ATP13A3: variants seen among roughly 807,000 people sequenced by gnomAD.
ATP13A3 encodes ATPase 13A3, also known as polyamine-transporting ATPase 13A3.
A neutral mutation model predicts 158.1 loss-of-function variants in ATP13A3; 59 were observed. The ratio of observed to expected loss-of-function variants is 0.37; its 90% CI spans 0.30 to 0.46. The LOEUF (loss-of-function observed/expected upper bound fraction) is 0.46. ATP13A3 is among the 20% of genes least tolerant of loss of function. ATP13A3 has a pLI of 1.00. For missense variants in ATP13A3, 1,166 were observed against 1,525.2 expected, an observed-to-expected ratio of 0.76 and a Z score of 3.92; for synonymous variants, 491 against 504.3, an observed-to-expected ratio of 0.97 and a Z score of 0.35.
At position 194,448,918 on chromosome 3, in the gene ATP13A3, T is replaced by C. The variant is rs1402503223; in HGVS notation, c.971-282A>G. Among the ~76,000 whole-genome samples the C allele has an allele frequency of 6.6e-6, 1 of 152,112 alleles. No individual in the cohort carries two copies. Among genetic ancestry groups the C allele is most frequent in the Admixed American group, 6.6e-5 (1 of 15,262 alleles). On this transcript the variant is annotated intron_variant, in intron 11 of 33. Transcript: ENST00000645319. This position sits in a 1 kb window ranked among gnomAD's most constrained non-coding sequence, Gnocchi z 4.0. ...TGTTTATATTTAGAAACAGTTGCAT[T>C]GTTCAGTTTCAAATAATTTCAAAAA...
intron 2 of ATP13A3, among the ~76,000 whole-genome samples, chr3:194,473,524 T>C (rs1347405883): frequency 2.0e-5 from 3 of 151,782 alleles, no homozygotes; most frequent in Non-Finnish European, 4.4e-5. Flanking sequence ...CCTTATATAT[T>C]GGTCTTAGGA....
intron 2 of ATP13A3, among the ~76,000 whole-genome samples, chr3:194,464,258 T>A (rs143190196): frequency 2.0e-5 from 3 of 152,188 alleles, no homozygotes; most frequent in African/African-American, 7.2e-5. Flanking sequence ...TACATAAACA[T>A]TGGTGCAAAA....
chr3:194,489,442 T>TAA (rs5855585), upstream of ATP13A3, among the ~76,000 whole-genome samples: 3 of 148,102 alleles, frequency 2.0e-5, no homozygotes, highest in African/African-American at 7.4e-5. The surrounding 1 kb of genome is among the most constrained non-coding windows in gnomAD (Gnocchi z 4.1). Context: ...AAACTCCATC[T>TAA]AAAAAAAAAA....
chr3:194,423,872 C>T (rs1031443309), intron 30 of ATP13A3, among the ~76,000 whole-genome samples: 1 of 150,932 alleles, frequency 6.6e-6, no homozygotes, highest in Non-Finnish European at 1.5e-5. Context: ...GGGTAGATCT[C>T]TAAAATTAAC....
chr3:194,473,293 A>C (rs1423106807), intron 2 of ATP13A3, among the ~76,000 whole-genome samples: 1 of 152,166 alleles, frequency 6.6e-6, no homozygotes, highest in Non-Finnish European at 1.5e-5. Flanking sequence ...ACAAATGATA[A>C]TGGGGCGGAG....
At position 194,425,050 on chromosome 3, in the gene ATP13A3, C is replaced by T. The variant is rs1225463291; in HGVS notation, c.3313+292G>A. Among the ~76,000 whole-genome samples the T allele has an allele frequency of 4.6e-5, 7 of 152,130 alleles. No homozygotes were observed. The East Asian group carries it at 5.8e-4, about 13-fold the overall frequency. ...ACCCAACAGTGGGCTGAGGAACCTC[C>T]GTCTCCACTTCCCATCCTAACTCCC... On this transcript the variant is annotated intron_variant, in intron 30 of 33. Transcript: ENST00000645319.
At chr3:194,435,339 A>T (rs73889869) in intron 20 of ATP13A3, among the ~76,000 whole-genome samples, 3,139 of 152,278 alleles carry the variant, frequency 0.021, 76 homozygotes, top group East Asian at 0.066. Flanking sequence ...CTCGTCTCCT[A>T]ACTCTCTCAC....
At position 194,430,932 on chromosome 3, in the gene ATP13A3, C is replaced by A; in HGVS notation, c.2624+11G>T. On this transcript the variant is annotated intron_variant, in intron 24 of 33. Transcript: ENST00000645319. ...TCAAAAACCAAAACCAAAAAAGACACCAATACTTACTCAACATTTTGCAAT... is the reference window on the plus strand; with the variant it reads ...TCAAAAACCAAAACCAAAAAAGACAACAATACTTACTCAACATTTTGCAAT... 1 of 1,601,422 alleles carries A rather than the reference C, an allele frequency of 6.2e-7. No individual in the cohort carries two copies. Among genetic ancestry groups the A allele is most frequent in the South Asian group, 1.1e-5 (1 of 88,336 alleles).
intron 13 of ATP13A3, 46 bp downstream of exon 13, chr3:194,447,806 A>T: frequency 6.7e-7 from 1 of 1,488,568 alleles, no homozygotes; most frequent in Non-Finnish European, 9.2e-7. Flanking sequence ...GCTGCATATG[A>T]TAAATAATTG....
intron 29 of ATP13A3, among the ~76,000 whole-genome samples, chr3:194,426,215 T>C (rs935927211): frequency 6.6e-6 from 1 of 152,180 alleles, no homozygotes; most frequent in Non-Finnish European, 1.5e-5. Flanking sequence ...GCAGTGTTTC[T>C]ACGCACATAT....
intron 31 of ATP13A3, among the ~76,000 whole-genome samples, chr3:194,417,975 G>GGAAA (rs1715998498): frequency 8.0e-6 from 1 of 125,102 alleles, no homozygotes; most frequent in Non-Finnish European, 1.7e-5. Context: ...AAGGAAGGAA[G>GGAAA]GAAGGAAGGA....
intron 26 of ATP13A3, 116 bp downstream of exon 26, chr3:194,429,956 C>G: frequency 9.5e-7 from 1 of 1,049,816 alleles, no homozygotes; most frequent in Admixed American, 2.5e-5. Context: ...AGTTACAGCT[C>G]AAATGTGCTA....
chr3:194,426,825 C>G (rs1716812182), intron 29 of ATP13A3, among the ~76,000 whole-genome samples: 1 of 152,048 alleles, frequency 6.6e-6, no homozygotes, highest in Non-Finnish European at 1.5e-5. Context: ...CCATGCCCGG[C>G]TAATTTTTGT....
chr3:194,447,921 A>C lies in ATP13A3; in HGVS notation c.1239T>G (p.Phe413Leu). 6.2e-7 allele frequency: 1 copy of C among 1,610,946 alleles called. No homozygotes were observed. Among genetic ancestry groups the C allele is most frequent in the Non-Finnish European group, 8.5e-7 (1 of 1,177,162 alleles). The stretch of plus-strand genomic sequence containing the variant: ...CAGCAACTGCCACAAGACATAGTAG[A>C]AACAAGTAGGCATCTCTGTAGAGTT... ...DFKLYRDAYL[F>L]LLCLVAVAGI... is the part of the protein sequence containing the mutation. The change falls in exon 13 of 34, where the codon TTT (phenylalanine) becomes TTG (leucine). Residue 413 changes from phenylalanine to leucine, a missense_variant. Coordinates refer to ENST00000645319, the MANE Select transcript of ATP13A3 (RefSeq NM_001367549.1).
rs201472338 is a variant in ATP13A3 at position 194,413,770 on chromosome 3, T to C, written c.3472A>G (p.Ile1158Val). The change falls in exon 32 of 34, where the codon ATC (isoleucine) becomes GTC (valine). Residue 1158 changes from isoleucine (I) to valine (V), a missense_variant. By Grantham distance (29) the Ile-to-Val change is conservative (BLOSUM62 3). Around this residue, in one of 3 missense-constraint regions of ATP13A3, gnomAD observed 997 missense variants for 1,341.2 expected, o/e 0.74. Transcript: ENST00000645319. The stretch of plus-strand genomic sequence containing the variant: ...ATGGAAGTGCTTACCTCCACTGTGA[T>C]AGACACAAAGGCATTGACAAGAACA... ...IIVLVNAFVS[I>V]TVENFFLDMV... The C allele has an allele frequency of 4.8e-5, 78 of 1,613,128 alleles. No homozygotes were observed. Among genetic ancestry groups the C allele is most frequent in the Middle Eastern group, 1.6e-4 (1 of 6,084 alleles).
At chr3:194,476,177 C>CAGGTA (rs1720514651) in intron 2 of ATP13A3, among the ~76,000 whole-genome samples, 1 of 152,138 alleles carries the variant, frequency 6.6e-6, no homozygotes, top group African/African-American at 2.4e-5. Flanking sequence ...GGTTGCTGGG[C>CAGGTA]AGGTAGCCAG....
At chr3:194,409,244 G>A (rs1485917512) in intron 33 of ATP13A3, among the ~76,000 whole-genome samples, 1 of 152,220 alleles carries the variant, frequency 6.6e-6, no homozygotes, top group Non-Finnish European at 1.5e-5. Flanking sequence ...AAGGAAAAAT[G>A]TTATAATGGC....
chr3:194,462,468 C>A lies in ATP13A3; in HGVS notation c.-46-232G>T, dbSNP rs575164649. ...CATTAGATTCTCATAGGAGCACAAACCCTACTGTGAACTGCGCGTGCAAGG... is the reference window on the plus strand; with the variant it reads ...CATTAGATTCTCATAGGAGCACAAAACCTACTGTGAACTGCGCGTGCAAGG... On this transcript the variant is annotated intron_variant, in intron 2 of 33. Coordinates refer to ENST00000645319, the MANE Select transcript of ATP13A3 (RefSeq NM_001367549.1). Among the ~76,000 whole-genome samples, 3 of 152,266 alleles carry A rather than the reference C, an allele frequency of 2.0e-5. No individual in the cohort carries two copies. In the South Asian group the frequency reaches 6.2e-4, roughly 32 times the overall value.
intron 14 of ATP13A3, among the ~76,000 whole-genome samples, chr3:194,446,420 G>T (rs971387306): frequency 2.6e-5 from 4 of 152,164 alleles, no homozygotes; most frequent in Admixed American, 1.3e-4. Flanking sequence ...TACACCCTGC[G>T]ATACGATGGC....
Sources: gnomAD v4.1 joint callset for allele counts (sites outside exome capture counted in the v4.1 genomes callset) on GRCh38, gnomAD v4.1.1 for gene constraint, gnomAD v4.1.1 regional missense constraint, Gnocchi (gnomAD v3.1) non-coding constraint, MANE v1.5 for transcripts, NCBI Gene and HGNC (gene_info 2026-07-23, HGNC 2026-07-21) for gene names.